HMGN5: variants seen among roughly 807,000 people sequenced by gnomAD.
HMGN5 encodes high mobility group nucleosome binding domain 5, also known as high mobility group nucleosome-binding domain-containing protein 5.
HMGN5 carries 4 observed loss-of-function variants against 9.5 expected under a neutral mutation model. The observed-to-expected ratio is 0.42, with a 90% CI of 0.21 to 0.96. The LOEUF (loss-of-function observed/expected upper bound fraction) is 0.96, where lower values mean the gene tolerates loss of function less well. Among genes scored for constraint, HMGN5 ranks in the 40% least tolerant of loss-of-function variants. HMGN5 has a pLI of 0.30. For missense variants in HMGN5, 192 were observed against 187.5 expected (o/e 1.02, Z -0.14); for synonymous variants, 55 against 57.1 (o/e 0.96, Z 0.16).
chrX:81,197,420 T>G (rs1350749147), intron 1 of HMGN5, among the ~76,000 whole-genome samples: 1 of 112,229 alleles, frequency 8.9e-6, no homozygotes, highest in African/African-American at 3.2e-5. Flanking sequence ...TATTTTAACT[T>G]TCTCAAAAGT....
At chrX:81,186,169 A>G (rs1378296353) in intron 1 of HMGN5, among the ~76,000 whole-genome samples, 2 of 111,881 alleles carry the variant, frequency 1.8e-5, no homozygotes, top group Non-Finnish European at 3.8e-5. Flanking sequence ...ATGTTTCACA[A>G]TAGTGTGAGT....
At chrX:81,159,341 T>G in intron 1 of HMGN5, among the ~76,000 whole-genome samples, 1 of 111,034 alleles carries the variant, frequency 9.0e-6, no homozygotes, top group Non-Finnish European at 1.9e-5. Context: ...TGGCACACTT[T>G]CACCTATGTA....
At chrX:81,157,510 A>G (rs1362488399) in intron 1 of HMGN5, among the ~76,000 whole-genome samples, 1 of 111,377 alleles carries the variant, frequency 9.0e-6, no homozygotes, top group Non-Finnish European at 1.9e-5. Context: ...GCATTATTCC[A>G]TAGCACATCT....
At chrX:81,188,562 C>T (rs977138508) in intron 1 of HMGN5, among the ~76,000 whole-genome samples, 1 of 109,594 alleles carries the variant, frequency 9.1e-6, no homozygotes, top group East Asian at 2.9e-4. Flanking sequence ...GTGCCATGTT[C>T]GTTTGCTGCT....
intron 1 of HMGN5, among the ~76,000 whole-genome samples, chrX:81,153,512 C>T (rs2075371368): frequency 1.1e-5 from 1 of 89,294 alleles, no homozygotes; most frequent in African/African-American, 4.1e-5. Context: ...CAAGATCAAG[C>T]CACTGCACTC....
intron 1 of HMGN5, among the ~76,000 whole-genome samples, chrX:81,182,053 CA>C (rs2075464425): frequency 9.0e-6 from 1 of 111,678 alleles, no homozygotes; most frequent in Non-Finnish European, 1.9e-5. Flanking sequence ...TACTCACTTA[CA>C]TTACTACCAA....
intron 1 of HMGN5, among the ~76,000 whole-genome samples, chrX:81,200,443 A>C (rs750626597): frequency 8.9e-6 from 1 of 112,385 alleles, no homozygotes; most frequent in South Asian, 3.7e-4. Context: ...ATAATAGCAA[A>C]GACTTGGAAC....
chrX:81,169,780 C>A (rs2075420445), intron 1 of HMGN5, among the ~76,000 whole-genome samples: 1 of 111,225 alleles, frequency 9.0e-6, no homozygotes, highest in African/African-American at 3.3e-5. Context: ...ATTGTCTGGG[C>A]ACAATGGCTC....
chrX:81,132,725 C>G (rs2075300996), intron 1 of HMGN5, among the ~76,000 whole-genome samples: 2 of 110,880 alleles, frequency 1.8e-5, no homozygotes, highest in Admixed American at 1.9e-4. Context: ...AATGTAATAC[C>G]CAAGACTACA....
At chrX:81,135,563 G>C (rs2075308930) in intron 1 of HMGN5, among the ~76,000 whole-genome samples, 1 of 110,771 alleles carries the variant, frequency 9.0e-6, no homozygotes, top group African/African-American at 3.3e-5. Flanking sequence ...TATACTAAGT[G>C]AAAGAACCCA....
chrX:81,187,555 T>C (rs955169584), intron 1 of HMGN5, among the ~76,000 whole-genome samples: 2 of 111,744 alleles, frequency 1.8e-5, no homozygotes, highest in Admixed American at 9.5e-5. Context: ...GTATGGAATA[T>C]ATTTTTATAT....
At chrX:81,115,434 G>A (rs967783462) in intron 6 of HMGN5, among the ~76,000 whole-genome samples, 4 of 111,418 alleles carry the variant, frequency 3.6e-5, no homozygotes, top group Non-Finnish European at 3.8e-5. Flanking sequence ...ATATGTCCAC[G>A]GAAATATCTA....
intron 5 of HMGN5, among the ~76,000 whole-genome samples, chrX:81,117,758 CATA>C (rs978792654): frequency 1.8e-5 from 2 of 110,649 alleles, no homozygotes; most frequent in African/African-American, 6.5e-5. Context: ...CATTTATGAA[CATA>C]ATGACAGTTT....
intron 1 of HMGN5, among the ~76,000 whole-genome samples, chrX:81,198,912 C>T (rs1300295313): frequency 1.8e-5 from 2 of 111,598 alleles, no homozygotes; most frequent in Non-Finnish European, 3.8e-5. Flanking sequence ...AATGGGTATT[C>T]AATTAGGAAA....
chrX:81,162,490 G>C (rs1431949470), intron 1 of HMGN5, among the ~76,000 whole-genome samples: 6 of 109,665 alleles, frequency 5.5e-5, no homozygotes, highest in Non-Finnish European at 1.1e-4. Flanking sequence ...ATCTCAAGCA[G>C]TAGGACAAAA....
At chrX:81,140,134 C>A (rs936940983) in intron 1 of HMGN5, among the ~76,000 whole-genome samples, 2 of 111,658 alleles carry the variant, frequency 1.8e-5, no homozygotes, top group African/African-American at 6.5e-5. Context: ...AGGACTTTGT[C>A]TTGTATCTTG....
intron 1 of HMGN5, among the ~76,000 whole-genome samples, chrX:81,177,006 T>C (rs190829554): frequency 5.4e-4 from 59 of 109,298 alleles, no homozygotes; most frequent in African/African-American, 2.0e-3. Flanking sequence ...TCACCAAGGC[T>C]GAAATAAAGG....
chrX:81,121,867 G>A (rs1415682303), intron 1 of HMGN5, among the ~76,000 whole-genome samples, 195 bp from the exon 2 acceptor site: 1 of 112,677 alleles, frequency 8.9e-6, no homozygotes, highest in Non-Finnish European at 1.9e-5. Context: ...GGCTCTAACC[G>A]CTGGTGTAGT....
chrX:81,175,441 AT>A (rs771328604), intron 1 of HMGN5, among the ~76,000 whole-genome samples: 1 of 111,143 alleles, frequency 9.0e-6, no homozygotes, highest in East Asian at 2.8e-4. Flanking sequence ...TTTTAAGTTA[AT>A]TTTCTTTATT....
Sources: gnomAD v4.1 joint callset for allele counts (sites outside exome capture counted in the v4.1 genomes callset) on GRCh38, gnomAD v4.1.1 for gene constraint, MANE v1.5 for transcripts, NCBI Gene and HGNC (gene_info 2026-07-23, HGNC 2026-07-21) for gene names.